The following LTBP1 variants were observed in gnomAD, a reference collection of about 807,000 sequenced individuals.
The protein encoded by LTBP1 is latent transforming growth factor beta binding protein 1.
LTBP1 carries 129 observed loss-of-function variants against 207.6 expected under a neutral mutation model. The observed-to-expected ratio is 0.62, with a 90% CI of 0.54 to 0.72. The LOEUF is 0.72. LTBP1 is among the 30% of genes least tolerant of loss of function. LTBP1 has a pLI of 0.00. For synonymous variants in LTBP1, 963 were observed against 833.7 expected (o/e 1.16, Z -2.67); for missense variants, 2,281 against 2,217.2 (o/e 1.03, Z -0.58).
intron 32 of LTBP1, among the ~76,000 whole-genome samples, chr2:33,390,634 C>T (rs1231880280): frequency 1.3e-5 from 2 of 151,956 alleles, no homozygotes; most frequent in Non-Finnish European, 2.9e-5. Context: ...ACTACAGGCA[C>T]GTGCCACTAT....
At chr2:33,088,376 C>T (rs10181426) in intron 3 of LTBP1, among the ~76,000 whole-genome samples, 50 of 151,962 alleles carry the variant, frequency 3.3e-4, no homozygotes, top group Admixed American at 6.5e-4. Flanking sequence ...CACTTGAACC[C>T]GGGAGGCGGA....
chr2:33,335,115 C>G (rs1325324670), intron 24 of LTBP1, among the ~76,000 whole-genome samples: 1 of 149,458 alleles, frequency 6.7e-6, no homozygotes, highest in African/African-American at 2.5e-5. Context: ...GAGACCCTGT[C>G]TCTAAAATAA....
chr2:32,987,744 G>T (rs1683814317), intron 2 of LTBP1, among the ~76,000 whole-genome samples: 1 of 152,286 alleles, frequency 6.6e-6, no homozygotes, highest in Non-Finnish European at 1.5e-5. Flanking sequence ...AAAGGTCACT[G>T]CTGTGCCACA....
chr2:33,219,691 C>G (rs1446199705), intron 8 of LTBP1, among the ~76,000 whole-genome samples: 1 of 152,168 alleles, frequency 6.6e-6, no homozygotes, highest in Admixed American at 6.5e-5. Context: ...AGTCTATGTT[C>G]TCTAATATTA....
chr2:33,293,300 G>C lies in LTBP1; in HGVS notation c.3235+18G>C. The C allele has an allele frequency of 6.3e-7, 1 of 1,576,526 alleles. No homozygotes were observed. Among genetic ancestry groups the C allele is most frequent in the Non-Finnish European group, 8.6e-7 (1 of 1,168,132 alleles). On this transcript the variant is annotated intron_variant, in intron 20 of 33. Coordinates refer to ENST00000404816, the MANE Select transcript of LTBP1 (RefSeq NM_206943.4). Reference sequence around the variant, plus strand: ...CTGTAGAGGTAAATACTGTGATCAAGTTTCCCATTTTTATTTAAACTTCAT... The same window carrying C: ...CTGTAGAGGTAAATACTGTGATCAACTTTCCCATTTTTATTTAAACTTCAT...
Position 33,028,661 on chromosome 2 carries a change from G to A in LTBP1, c.863+7455G>A, listed in dbSNP as rs1255290512. On this transcript the variant is annotated intron_variant, in intron 3 of 33. Transcript: ENST00000404816. ...GCCAGTAAGTAGTTCAGCTATTCAAGTACCATAAAGTCCCATTCTTTACGG... is the reference window on the plus strand; with the variant it reads ...GCCAGTAAGTAGTTCAGCTATTCAAATACCATAAAGTCCCATTCTTTACGG... Among the ~76,000 whole-genome samples the A allele has an allele frequency of 2.6e-5, 4 of 152,140 alleles. 1 individual carries two copies. Among genetic ancestry groups the A allele is most frequent in the South Asian group, 4.1e-4 (2 of 4,828 alleles).
At chr2:33,376,671 A>G (rs2095143551) in intron 31 of LTBP1, among the ~76,000 whole-genome samples, 1 of 152,218 alleles carries the variant, frequency 6.6e-6, no homozygotes, top group South Asian at 2.1e-4. Context: ...GACAGAAAAA[A>G]TAAATAGGAC....
At chr2:33,144,280 G>A (rs1027218534) in intron 5 of LTBP1, among the ~76,000 whole-genome samples, 3 of 152,130 alleles carry the variant, frequency 2.0e-5, no homozygotes, top group Non-Finnish European at 1.5e-5. Context: ...GCGCACAGAA[G>A]GTTCTGTACT....
At chr2:33,347,600 A>G (rs765607769) in intron 26 of LTBP1, 90 bp downstream of exon 26, 61 of 1,493,492 alleles carry the variant, frequency 4.1e-5, no homozygotes, top group Non-Finnish European at 5.1e-5. Flanking sequence ...TGGGAGTGAG[A>G]TAAGAAGCAG....
intron 5 of LTBP1, among the ~76,000 whole-genome samples, chr2:33,146,134 G>C (rs894591267): frequency 2.1e-4 from 32 of 152,236 alleles, no homozygotes; most frequent in Admixed American, 1.8e-3. Context: ...CTAAAAATCG[G>C]GTTGGGATGT....
At chr2:33,290,217 CT>C (rs1378269490) in intron 19 of LTBP1, among the ~76,000 whole-genome samples, 7 of 152,242 alleles carry the variant, frequency 4.6e-5, no homozygotes, top group Non-Finnish European at 8.8e-5. Flanking sequence ...ATTCATCTAT[CT>C]TAATGAACTA....
At chr2:33,009,469 A>G (rs1687379972) in intron 2 of LTBP1, among the ~76,000 whole-genome samples, 1 of 152,176 alleles carries the variant, frequency 6.6e-6, no homozygotes, top group Non-Finnish European at 1.5e-5. Flanking sequence ...CAGTGGACTG[A>G]TGTCTTTATG....
chr2:33,347,690 G>A lies in LTBP1; in HGVS notation c.4000+180G>A, dbSNP rs114275931. Among the ~76,000 whole-genome samples the A allele has an allele frequency of 2.0e-3, 312 of 152,258 alleles. 2 individuals carry two copies. The highest frequency in any genetic ancestry group is 7.2e-3 in the African/African-American group (300 of 41,546). On this transcript the variant is annotated intron_variant, in intron 26 of 33. Coordinates refer to ENST00000404816, the MANE Select transcript of LTBP1 (RefSeq NM_206943.4). The stretch of plus-strand genomic sequence containing the variant: ...GCCTTGTCAGTGGAATTAAGATGTG[G>A]GTGATGACTCTTTGGGCTAGATGGC...
rs1160209233 is a variant in LTBP1, at chr2:33,134,374, A to G, written c.1034-419A>G. The G allele has an allele frequency of 4.2e-6, 2 of 478,608 alleles. No individual in the cohort carries two copies. Among genetic ancestry groups the G allele is most frequent in the South Asian group, 3.1e-5 (2 of 64,204 alleles). 29.6% of individuals were successfully genotyped at this position (478,608 alleles called of 1,614,324 possible). On this transcript the variant is annotated intron_variant, in intron 4 of 33. Coordinates refer to ENST00000404816, the MANE Select transcript of LTBP1 (RefSeq NM_206943.4). This position sits in a 1 kb window ranked among gnomAD's most constrained non-coding sequence, Gnocchi z 4.4. ...CAGGGAAAGTATGCAAGTTGAGGAC[A>G]CAAGAGTTTATTCACCGCTAGGTGC...
At chr2:33,321,482 A>G (rs1477855982) in intron 24 of LTBP1, among the ~76,000 whole-genome samples, 1 of 152,220 alleles carries the variant, frequency 6.6e-6, no homozygotes, top group East Asian at 1.9e-4. Flanking sequence ...GCCAAATCAA[A>G]AAAGTAACAA....
At chr2:33,112,814 AAG>A (rs754551475) in intron 4 of LTBP1, among the ~76,000 whole-genome samples, 15 of 152,218 alleles carry the variant, frequency 9.9e-5, no homozygotes, top group Non-Finnish European at 1.8e-4. Context: ...TGGTAGGTAA[AAG>A]AGGAGGCTCC....
chr2:33,103,126 GTC>G (rs2079835857), intron 3 of LTBP1, among the ~76,000 whole-genome samples: 1 of 150,708 alleles, frequency 6.6e-6, no homozygotes, highest in African/African-American at 2.4e-5. Flanking sequence ...TGTGTGCACT[GTC>G]TGTATGCACA....
intron 15 of LTBP1, among the ~76,000 whole-genome samples, chr2:33,267,166 C>T (rs2093204941): frequency 6.6e-6 from 1 of 152,238 alleles, no homozygotes; most frequent in Non-Finnish European, 1.5e-5. Context: ...CCTGGAGCTG[C>T]CCAGTCTGCT....
intron 19 of LTBP1, among the ~76,000 whole-genome samples, chr2:33,283,498 G>A (rs563930403): frequency 2.3e-5 from 3 of 130,556 alleles, no homozygotes; most frequent in South Asian, 5.0e-4. Flanking sequence ...GTGGAGTGGC[G>A]CCATCTCAGC....
Sources: gnomAD v4.1 joint callset for allele counts (sites outside exome capture counted in the v4.1 genomes callset) on GRCh38, gnomAD v4.1.1 for gene constraint, Gnocchi (gnomAD v3.1) non-coding constraint, MANE v1.5 for transcripts, NCBI Gene and HGNC (gene_info 2026-07-23, HGNC 2026-07-21) for gene names.